Variants in LAMTOR2 observed in about 807,000 individuals in gnomAD.
LAMTOR2 encodes the protein ragulator complex protein LAMTOR2.
In LAMTOR2, 4 loss-of-function variants were observed where a neutral mutation model predicts 15.8. That is an observed-to-expected ratio of 0.25 (90% CI 0.12 to 0.58). The LOEUF is 0.58. LAMTOR2 is among the 20% of genes least tolerant of loss of function. LAMTOR2 has a pLI of 0.91. For synonymous variants in LAMTOR2, 62 were observed against 64.1 expected (o/e 0.97, Z 0.15); for missense variants, 100 against 161.0 (o/e 0.62, Z 2.05).
intron 2 of LAMTOR2, among the ~76,000 whole-genome samples, chr1:156,057,071 A>G (rs533876221): frequency 1.3e-5 from 2 of 151,056 alleles, no homozygotes; most frequent in South Asian, 4.2e-4. Context: ...CCAGCCACTC[A>G]GGAGGCTGAG....
In LAMTOR2 at chr1:156,058,357, G is replaced by A; in HGVS notation, c.364G>A (p.Val122Met). 6.2e-7 allele frequency: 1 copy of A among 1,614,162 alleles called. No individual in the cohort carries two copies. Among genetic ancestry groups the A allele is most frequent in the Non-Finnish European group, 8.5e-7 (1 of 1,180,018 alleles). Residue 122 changes from valine to methionine, a missense_variant, in exon 4 of 4, where the codon GTG becomes ATG. Coordinates refer to ENST00000368305, the MANE Select transcript of LAMTOR2 (RefSeq NM_014017.4). ...GTACCTGGAGGAGCCCCTCACCCAA[G>A]TGGCGGCATCTTAACGGCATTGGTG... Reference protein sequence around the residue: ...VQYLEEPLTQVAAS With the variant: ...VQYLEEPLTQMAAS
At position 156,055,090 on chromosome 1, in the gene LAMTOR2, G is replaced by C; in HGVS notation, c.68+133G>C. Reference sequence around the variant, plus strand: ...GGGGCAGCGGCTGGGGATACCGGCCGGGAGGTCCCCTGTCGAAAAGGGAAG... The same window carrying C: ...GGGGCAGCGGCTGGGGATACCGGCCCGGAGGTCCCCTGTCGAAAAGGGAAG... On this transcript the variant is annotated intron_variant, in intron 1 of 3. Transcript: ENST00000368305. This position sits in a 1 kb window ranked among gnomAD's most constrained non-coding sequence, Gnocchi z 4.8. 1 of 1,352,308 alleles carries C rather than the reference G, an allele frequency of 7.4e-7. No homozygotes were observed. Among genetic ancestry groups the C allele is most frequent in the Non-Finnish European group, 1.1e-6 (1 of 949,272 alleles). 83.8% of individuals were successfully genotyped at this position (1,352,308 alleles called of 1,614,324 possible).
chr1:156,058,040 C>T lies in LAMTOR2; in HGVS notation c.294C>T (p.Thr98=), dbSNP rs777537272. Residue 98 remains threonine, a synonymous_variant, in exon 3 of 4, where the codon ACC becomes ACT. Transcript: ENST00000368305. ...TGCTGTGTATGTATGCCAAGGAGAC[C>T]GTGGGCTTTGGAATGCTCAAGGCCA... The part of the protein sequence containing the change: ...NLLLCMYAKE[T]VGFGMLKAKA... The T allele has an allele frequency of 3.0e-5, 48 of 1,614,018 alleles. No individual in the cohort carries two copies. Among genetic ancestry groups the T allele is most frequent in the Non-Finnish European group, 3.7e-5 (44 of 1,180,016 alleles).
chr1:156,055,137 G>A lies in LAMTOR2; in HGVS notation c.69-126G>A. ...GAAGCCGGTGTGCTGGGTGCTTAGG[G>A]CATGTTCCGGGACACGCTCAGGCCA... is the stretch of plus-strand genomic sequence containing the variant. On this transcript the variant is annotated intron_variant, in intron 1 of 3. Transcript: ENST00000368305. The surrounding 1 kb of genome is among the most constrained non-coding windows in gnomAD (Gnocchi z 4.8). 1 of 1,436,026 alleles carries A rather than the reference G, an allele frequency of 7.0e-7. No homozygotes were observed. Among genetic ancestry groups the A allele is most frequent in the Non-Finnish European group, 9.7e-7 (1 of 1,028,514 alleles). The allele number at this position is 1,436,026 out of a possible 1,614,324, so 89.0% of individuals were successfully genotyped here.
chr1:156,056,541 C>A (rs1035486348), intron 2 of LAMTOR2, among the ~76,000 whole-genome samples: 2 of 152,100 alleles, frequency 1.3e-5, no homozygotes, highest in Admixed American at 6.5e-5. Flanking sequence ...CAGAATTATG[C>A]CTGCTCAAGG....
intron 2 of LAMTOR2, among the ~76,000 whole-genome samples, chr1:156,056,149 A>G (rs1260227748): frequency 6.6e-6 from 1 of 151,990 alleles, no homozygotes; most frequent in Non-Finnish European, 1.5e-5. Flanking sequence ...GACTACAGAC[A>G]TGCACCACCA....
rs1647275896 is a variant in LAMTOR2 at position 156,054,865 on chromosome 1, AAG to A, written c.-24_-23del. On this transcript the variant is annotated 5_prime_UTR_variant, in exon 1 of 4. Coordinates refer to ENST00000368305, the MANE Select transcript of LAMTOR2 (RefSeq NM_014017.4). The stretch of plus-strand genomic sequence containing the variant: ...AGGCACCTCGGAGATCTGGGTGCAA[AAG>A]CCCAGGGTTAGGAACCGTAGGCATG... The A allele has an allele frequency of 6.2e-7, 1 of 1,611,478 alleles. No homozygotes were observed. The highest frequency in any genetic ancestry group is 1.7e-5 in the Admixed American group (1 of 59,868).
In LAMTOR2 at chr1:156,055,070, A is replaced by G. The variant is rs1380212025; in HGVS notation, c.68+113A>G. 2 of 1,394,100 alleles carry G rather than the reference A, an allele frequency of 1.4e-6. No individual in the cohort carries two copies. Among genetic ancestry groups the G allele is most frequent in the Non-Finnish European group, 2.0e-6 (2 of 988,858 alleles). 86.4% of individuals were successfully genotyped at this position (1,394,100 alleles called of 1,614,324 possible). A position where few individuals can be genotyped will look rare whatever the true frequency, so the allele number is the denominator to read the frequency against. On this transcript the variant is annotated intron_variant, in intron 1 of 3. Transcript: ENST00000368305. This position sits in a 1 kb window ranked among gnomAD's most constrained non-coding sequence, Gnocchi z 4.8. ...GAAGGGAGGAAGCGGCAGAGGGGGC[A>G]GCGGCTGGGGATACCGGCCGGGAGG...
chr1:156,057,908 AGCCTTTG>A, intron 2 of LAMTOR2, 63 bp from the exon 3 acceptor site: 3 of 1,406,978 alleles, frequency 2.1e-6, no homozygotes, highest in Non-Finnish European at 3.0e-6. Context: ...GGGCCAGAGA[AGCCTTTG>A]GGGAAGGAGG....
Position 156,054,852 on chromosome 1 carries a change from G to T in LAMTOR2, c.-38G>T, listed in dbSNP as rs911411193. The T allele has an allele frequency of 1.2e-5, 19 of 1,605,544 alleles. No individual in the cohort carries two copies. Among genetic ancestry groups the T allele is most frequent in the Non-Finnish European group, 1.6e-5 (19 of 1,174,400 alleles). ...AGCGGCCCGCGGGAGGCACCTCGGA[G>T]ATCTGGGTGCAAAAGCCCAGGGTTA... On this transcript the variant is annotated 5_prime_UTR_variant, in exon 1 of 4. Coordinates refer to ENST00000368305, the MANE Select transcript of LAMTOR2 (RefSeq NM_014017.4).
rs1647296866 is a variant in LAMTOR2 at position 156,055,176 on chromosome 1, T to C, written c.69-87T>C. On this transcript the variant is annotated intron_variant, in intron 1 of 3. Coordinates refer to ENST00000368305, the MANE Select transcript of LAMTOR2 (RefSeq NM_014017.4). This position sits in a 1 kb window ranked among gnomAD's most constrained non-coding sequence, Gnocchi z 4.8. ...ACGCTCAGGCCAGAGCCTTGCTGGA[T>C]GTGCCCTTGGTGGGACTTGGGATGG... 2 of 1,562,570 alleles carry C rather than the reference T, an allele frequency of 1.3e-6. No individual in the cohort carries two copies. The highest frequency in any genetic ancestry group is 2.2e-5 in the East Asian group (1 of 44,592).
Position 156,055,767 on chromosome 1 carries a change from G to T in LAMTOR2, c.231+342G>T. Reference sequence around the variant, plus strand: ...CCCCGCTCCCCTCATGGGTTGTTGTGAAGGTCAGATGAAATAATGGGTATA... The same window carrying T: ...CCCCGCTCCCCTCATGGGTTGTTGTTAAGGTCAGATGAAATAATGGGTATA... On this transcript the variant is annotated intron_variant, in intron 2 of 3. Coordinates refer to ENST00000368305, the MANE Select transcript of LAMTOR2 (RefSeq NM_014017.4). The surrounding 1 kb of genome is among the most constrained non-coding windows in gnomAD (Gnocchi z 4.8). 1 of 365,678 alleles carries T rather than the reference G, an allele frequency of 2.7e-6. No homozygotes were observed. The highest frequency in any genetic ancestry group is 5.3e-6 in the Non-Finnish European group (1 of 190,270). 22.7% of individuals were successfully genotyped at this position (365,678 alleles called of 1,614,324 possible).
chr1:156,058,272 TG>T, intron 3 of LAMTOR2, 42 bp from the exon 4 acceptor site: 1 of 1,613,200 alleles, frequency 6.2e-7, no homozygotes, highest in Admixed American at 1.7e-5. Context: ...GGGTCCCTAA[TG>T]CCAGGCTGTG....
intron 2 of LAMTOR2, among the ~76,000 whole-genome samples, chr1:156,057,500 A>G (rs1291605795): frequency 7.5e-6 from 1 of 134,068 alleles, no homozygotes; most frequent in Non-Finnish European, 1.5e-5. Context: ...ATGCTGATCA[A>G]CCTTCTTAAT....
At position 156,055,355 on chromosome 1, in the gene LAMTOR2, C is replaced by T; in HGVS notation, c.161C>T (p.Ala54Val). ...VTAAIASNIWAAYDRNGNQAF... is the reference protein window; with the variant it reads ...VTAAIASNIWVAYDRNGNQAF... Reference sequence around the variant, plus strand: ...GCTGCCATAGCCAGTAACATCTGGGCCGCCTACGACCGGAACGGGAACCAA... The same window carrying T: ...GCTGCCATAGCCAGTAACATCTGGGTCGCCTACGACCGGAACGGGAACCAA... Residue 54 changes from alanine (A) to valine (V), a missense_variant, in exon 2 of 4, where the codon GCC (alanine) becomes GTC (valine). Transcript: ENST00000368305. The surrounding 1 kb of genome is among the most constrained non-coding windows in gnomAD (Gnocchi z 4.8). 6.2e-7 allele frequency: 1 copy of T among 1,614,240 alleles called. No homozygotes were observed. The highest frequency in any genetic ancestry group is 8.5e-7 in the Non-Finnish European group (1 of 1,180,040).
chr1:156,055,378 C>A lies in LAMTOR2; in HGVS notation c.184C>A (p.Gln62Lys). Residue 62 changes from glutamine (Q) to lysine (K), a missense_variant, in exon 2 of 4, where the codon CAA (glutamine) becomes AAA (lysine). Coordinates refer to ENST00000368305, the MANE Select transcript of LAMTOR2 (RefSeq NM_014017.4). This position sits in a 1 kb window ranked among gnomAD's most constrained non-coding sequence, Gnocchi z 4.8. ...GGCCGCCTACGACCGGAACGGGAAC[C>A]AAGCGTTTAATGAAGACAATCTCAA... ...IWAAYDRNGNQAFNEDNLKFI... is the reference protein window; with the variant it reads ...IWAAYDRNGNKAFNEDNLKFI... The A allele has an allele frequency of 6.2e-7, 1 of 1,614,218 alleles. No homozygotes were observed. Among genetic ancestry groups the A allele is most frequent in the Non-Finnish European group, 8.5e-7 (1 of 1,180,038 alleles).
intron 2 of LAMTOR2, 49 bp from the exon 3 acceptor site, chr1:156,057,929 C>T (rs1253004934): frequency 6.4e-7 from 1 of 1,555,194 alleles, no homozygotes; most frequent in Non-Finnish European, 8.9e-7. Flanking sequence ...AAGGAGGGTG[C>T]TAAGGGTGCC....
rs1368395319 is a variant in LAMTOR2, at chr1:156,055,073, G to A, written c.68+116G>A. ...GGGAGGAAGCGGCAGAGGGGGCAGC[G>A]GCTGGGGATACCGGCCGGGAGGTCC... On this transcript the variant is annotated intron_variant, in intron 1 of 3. Coordinates refer to ENST00000368305, the MANE Select transcript of LAMTOR2 (RefSeq NM_014017.4). This position sits in a 1 kb window ranked among gnomAD's most constrained non-coding sequence, Gnocchi z 4.8. 6.5e-6 allele frequency: 9 copies of A among 1,388,278 alleles called. No homozygotes were observed. The highest frequency in any genetic ancestry group is 9.2e-6 in the Non-Finnish European group (9 of 983,508). The allele number at this position is 1,388,278 out of a possible 1,614,324, so 86.0% of individuals were successfully genotyped here.
At chr1:156,057,813 C>T (rs1200078301) in intron 2 of LAMTOR2, among the ~76,000 whole-genome samples, 165 bp from the exon 3 acceptor site, 1 of 152,164 alleles carries the variant, frequency 6.6e-6, no homozygotes, top group Non-Finnish European at 1.5e-5. Flanking sequence ...GGGCTCAGAA[C>T]CCCATGTTCA....
Sources: gnomAD v4.1 joint callset for allele counts (sites outside exome capture counted in the v4.1 genomes callset) on GRCh38, gnomAD v4.1.1 for gene constraint, Gnocchi (gnomAD v3.1) non-coding constraint, MANE v1.5 for transcripts, NCBI Gene and HGNC (gene_info 2026-07-23, HGNC 2026-07-21) for gene names.